Variants in SLC19A1 observed in about 807,000 individuals in gnomAD.
The protein encoded by SLC19A1 is solute carrier family 19 member 1, also known as reduced folate transporter.
A neutral mutation model predicts 35.3 loss-of-function variants in SLC19A1; 37 were observed. The observed-to-expected ratio is 1.05, with a 90% CI of 0.81 to 1.38. The LOEUF (loss-of-function observed/expected upper bound fraction) is 1.38, where lower values mean the gene tolerates loss of function less well. Ranked by LOEUF, SLC19A1 falls within the 40% of genes most tolerant of loss-of-function variation. SLC19A1 has a pLI of 0.00. For synonymous variants in SLC19A1, 460 were observed against 398.5 expected (o/e 1.15, Z -1.84); for missense variants, 831 against 826.9 (o/e 1.00, Z -0.06).
chr21:45,504,450 A>G, intron 3 of SLC19A1: 1 of 1,611,602 alleles, frequency 6.2e-7, no homozygotes, highest in Non-Finnish European at 8.5e-7. Flanking sequence ...GCAGGACAGA[A>G]AGGCGAAAGG....
intron 1 of SLC19A1, among the ~76,000 whole-genome samples, chr21:45,550,355 G>C (rs963491374): frequency 6.6e-6 from 1 of 152,140 alleles, no homozygotes; most frequent in Non-Finnish European, 1.5e-5. Flanking sequence ...TCAGGCCCTC[G>C]TATGCCAGAC....
chr21:45,528,513 G>A (rs2077731197), intron 4 of SLC19A1, among the ~76,000 whole-genome samples: 1 of 152,104 alleles, frequency 6.6e-6, no homozygotes, highest in African/African-American at 2.4e-5. Flanking sequence ...CTCAGGGAGG[G>A]TGGGGAGGCC....
At chr21:45,546,895 C>T (rs566334713), upstream of SLC19A1, among the ~76,000 whole-genome samples, 130 of 152,228 alleles carry the variant, frequency 8.5e-4, 1 homozygote, top group African/African-American at 2.7e-3. Flanking sequence ...GCAAGCTATC[C>T]GAGAAACCTA....
chr21:45,556,264 C>T (rs2078560961), intron 1 of SLC19A1, among the ~76,000 whole-genome samples: 1 of 152,218 alleles, frequency 6.6e-6, no homozygotes, highest in South Asian at 2.1e-4. Flanking sequence ...ACGTCAGCGT[C>T]TCTACCTCCA....
chr21:45,515,001 C>T lies in SLC19A1; in HGVS notation c.*657G>A. 1 of 1,523,518 alleles carries T rather than the reference C, an allele frequency of 6.6e-7. No homozygotes were observed. Among genetic ancestry groups the T allele is most frequent in the Non-Finnish European group, 8.8e-7 (1 of 1,139,124 alleles). The allele number at this position is 1,523,518 out of a possible 1,614,324, so 94.4% of individuals were successfully genotyped here. A position where few individuals can be genotyped will look rare whatever the true frequency, so the allele number is the denominator to read the frequency against. On this transcript the variant is annotated 3_prime_UTR_variant, in exon 6 of 6. Coordinates refer to ENST00000311124, the MANE Select transcript of SLC19A1 (RefSeq NM_194255.4). The stretch of plus-strand genomic sequence containing the variant: ...TCAGGATGGACACACTTCAGAAGGA[C>T]AGACAGGACCATGGAGGGCTGCCCT...
rs374488479 is a variant in SLC19A1, at chr21:45,515,087, T to C, written c.*571A>G. The C allele has an allele frequency of 3.2e-6, 5 of 1,546,098 alleles. No homozygotes were observed. Among genetic ancestry groups the C allele is most frequent in the Non-Finnish European group, 4.4e-6 (5 of 1,145,548 alleles). On this transcript the variant is annotated 3_prime_UTR_variant, in exon 6 of 6. Transcript: ENST00000311124. ...AGCCGCTGCTCCCCTCTGATGACAA[T>C]GTGTCTGCCGCCAACCTGAGATGGC...
rs1304955127 is a variant in SLC19A1 at position 45,525,707 on chromosome 21, TGTGC to T, written c.1293+106_1293+109del. The T allele has an allele frequency of 3.1e-6, 4 of 1,303,360 alleles. No individual in the cohort carries two copies. In the Admixed American group the frequency reaches 7.8e-5, roughly 25 times the overall value. 80.7% of individuals were successfully genotyped at this position (1,303,360 alleles called of 1,614,324 possible). On this transcript the variant is annotated intron_variant, in intron 5 of 5. Transcript: ENST00000311124. Reference sequence around the variant, plus strand: ...CACTGGAAGCCCCAGGCCCGCACCCTGTGCCCCCAGCCCACAGTGGGCTCCACAT... The same window carrying T: ...CACTGGAAGCCCCAGGCCCGCACCCTCCCCAGCCCACAGTGGGCTCCACAT...
At position 45,531,843 on chromosome 21, in the gene SLC19A1, G is replaced by A; in HGVS notation, c.495C>T (p.Phe165=). Residue 165 remains phenylalanine (F), a synonymous_variant, in exon 3 of 6, where the codon TTC becomes TTT. Transcript: ENST00000311124. ...GCAGCTGGCCCAGCACGGAGCTGGT[G>A]AACACGCCCAGCAGCACCGCAGCGC... ...YSRAAVLLGV[F]TSSVLGQLLV... 2 of 1,586,640 alleles carry A rather than the reference G, an allele frequency of 1.3e-6. No homozygotes were observed. Among genetic ancestry groups the A allele is most frequent in the South Asian group, 1.1e-5 (1 of 88,062 alleles).
chr21:45,517,849 G>C lies in SLC19A1; in HGVS notation c.1294-1709C>G, dbSNP rs915989696. Among the ~76,000 whole-genome samples, 3 of 152,184 alleles carry C rather than the reference G, an allele frequency of 2.0e-5. No homozygotes were observed. Among genetic ancestry groups the C allele is most frequent in the Non-Finnish European group, 4.4e-5 (3 of 68,028 alleles). On this transcript the variant is annotated intron_variant, in intron 5 of 5. Coordinates refer to ENST00000311124, the MANE Select transcript of SLC19A1 (RefSeq NM_194255.4). The surrounding 1 kb of genome is among the most constrained non-coding windows in gnomAD (Gnocchi z 4.4). ...CCACCCTCCCTCAGGTGTCACAAAG[G>C]CTGAGTGAGAGCCTGGACTTCCACC...
rs770863635 is a variant in SLC19A1 at position 45,503,996 on chromosome 21, G to A, written c.498-5384C>T. ...ACACCACCTCAGCGAGACCCCGCCT[G>A]TCTCTCTCTTGCAGGGCAGTTTCCG... On this transcript the variant is annotated intron_variant, in intron 3 of 4. Coordinates refer to the SLC19A1 transcript ENST00000417954. 3 of 1,613,608 alleles carry A rather than the reference G, an allele frequency of 1.9e-6. No individual in the cohort carries two copies. In the South Asian group the frequency reaches 3.3e-5, roughly 18 times the overall value.
downstream of SLC19A1, among the ~76,000 whole-genome samples, chr21:45,510,479 G>T (rs1372034535): frequency 6.6e-6 from 1 of 152,124 alleles, no homozygotes; most frequent in South Asian, 2.1e-4. Flanking sequence ...CGTCCCCCAG[G>T]GCATCCCATG....
chr21:45,511,959 G>A (rs905631715), downstream of SLC19A1, among the ~76,000 whole-genome samples: 1 of 152,068 alleles, frequency 6.6e-6, no homozygotes, highest in Non-Finnish European at 1.5e-5. Context: ...TCTCCCCTCT[G>A]CCGTGGGTGT....
chr21:45,523,020 TG>T (rs2077482948), intron 5 of SLC19A1, among the ~76,000 whole-genome samples: 1 of 152,034 alleles, frequency 6.6e-6, no homozygotes, highest in Non-Finnish European at 1.5e-5. Flanking sequence ...TTAAACAGCA[TG>T]TGAATATAAG....
rs777454151 is a variant in SLC19A1, at chr21:45,516,008, C to T, written c.1426G>A (p.Ala476Thr). The T allele has an allele frequency of 7.0e-5, 110 of 1,571,386 alleles. No individual in the cohort carries two copies. The highest frequency in any genetic ancestry group is 8.5e-5 in the Non-Finnish European group (98 of 1,159,422). Reference protein sequence around the residue: ...QPPAQGLRSAAEEKAAQALSV... With the variant: ...QPPAQGLRSATEEKAAQALSV... ...AGTGCCTGTGCTGCCTTCTCCTCCGCGGCACTCCTCAGGCCCTGGGCCGGG... is the reference window on the plus strand; with the variant it reads ...AGTGCCTGTGCTGCCTTCTCCTCCGTGGCACTCCTCAGGCCCTGGGCCGGG... The change falls in exon 6 of 6, where the codon GCG (alanine) becomes ACG (threonine). Residue 476 changes from alanine to threonine, a missense_variant. Transcript: ENST00000311124.
intron 5 of SLC19A1, among the ~76,000 whole-genome samples, chr21:45,520,561 T>C (rs2077406990): frequency 6.6e-6 from 1 of 152,210 alleles, no homozygotes; most frequent in African/African-American, 2.4e-5. Flanking sequence ...CGAACATGTA[T>C]ACACTGTTAT....
intron 3 of SLC19A1, chr21:45,506,280 C>T (rs2037198215): frequency 5.1e-6 from 2 of 395,950 alleles, no homozygotes; most frequent in South Asian, 2.1e-5. Flanking sequence ...AGACAAGGCG[C>T]CTGACGGGAC....
At chr21:45,516,281 C>T in intron 5 of SLC19A1, 141 bp from the exon 6 acceptor site, 1 of 662,332 alleles carries the variant, frequency 1.5e-6, no homozygotes. Flanking sequence ...CAGAGGCCAG[C>T]CCCAGGAGCA....
At chr21:45,555,860 G>C (rs1400641310) in intron 1 of SLC19A1, among the ~76,000 whole-genome samples, 1 of 152,168 alleles carries the variant, frequency 6.6e-6, no homozygotes, top group South Asian at 2.1e-4. Context: ...GATCCACGTG[G>C]TCCCTGCGGG....
downstream of SLC19A1, chr21:45,509,976 A>AC: frequency 6.9e-7 from 1 of 1,443,012 alleles, no homozygotes; most frequent in Non-Finnish European, 9.3e-7. Flanking sequence ...GCCTGTCCAC[A>AC]CAGGTGCGGG....
Sources: gnomAD v4.1 joint callset for allele counts (sites outside exome capture counted in the v4.1 genomes callset) on GRCh38, gnomAD v4.1.1 for gene constraint, Gnocchi (gnomAD v3.1) non-coding constraint, MANE v1.5 for transcripts, NCBI Gene and HGNC (gene_info 2026-07-23, HGNC 2026-07-21) for gene names.